Variants in ATG7 observed in about 807,000 individuals in gnomAD.
The protein encoded by ATG7 is ubiquitin-like modifier-activating enzyme ATG7.
ATG7 carries 70 observed loss-of-function variants against 82.4 expected under a neutral mutation model. The observed-to-expected ratio is 0.85, with a 90% CI of 0.70 to 1.04. ATG7 has a LOEUF of 1.04. Ranked by LOEUF, ATG7 falls within the 50% of genes least tolerant of loss-of-function variation. ATG7 has a pLI of 0.00. For missense variants in ATG7, 792 were observed against 864.3 expected, an observed-to-expected ratio of 0.92 and a Z score of 1.05; for synonymous variants, 287 against 313.0, an observed-to-expected ratio of 0.92 and a Z score of 0.88.
chr3:11,433,182 C>T (rs1053508288), intron 20 of ATG7, among the ~76,000 whole-genome samples: 25 of 150,152 alleles, frequency 1.7e-4, no homozygotes, highest in Admixed American at 8.8e-4. Context: ...ACTTATAATG[C>T]TGAGGCAGGA....
chr3:11,359,159 G>GAC (rs2076123919), intron 15 of ATG7, among the ~76,000 whole-genome samples: 1 of 152,124 alleles, frequency 6.6e-6, no homozygotes. Flanking sequence ...TCTATTGAGA[G>GAC]AGGAGAAAGA....
At position 11,360,644 on chromosome 3, in the gene ATG7, C is replaced by T. The variant is rs1166737038; in HGVS notation, c.1543C>T (p.Pro515Ser). 3 of 1,614,100 alleles carry T rather than the reference C, an allele frequency of 1.9e-6. No homozygotes were observed. In the South Asian group the frequency reaches 3.3e-5, roughly 18 times the overall value. The stretch of plus-strand genomic sequence containing the variant: ...TGTCATGAGACATGGTCTGAAGAAA[C>T]CAAAGCAGCAAGGAGCTGGGGACTT... ...FVVMRHGLKKPKQQGAGDLCP... is the reference protein window; with the variant it reads ...FVVMRHGLKKSKQQGAGDLCP... Residue 515 changes from proline to serine, a missense_variant, in exon 16 of 21, where the codon CCA becomes TCA. Coordinates refer to ENST00000693202, the MANE Select transcript of ATG7 (RefSeq NM_001349232.2).
intron 3 of ATG7, among the ~76,000 whole-genome samples, chr3:11,294,307 G>A (rs1302862870): frequency 1.3e-5 from 2 of 151,564 alleles, no homozygotes; most frequent in South Asian, 2.1e-4. Flanking sequence ...TGCAACCTCC[G>A]CCTCCCAGGT....
intron 20 of ATG7, among the ~76,000 whole-genome samples, chr3:11,475,846 A>G (rs989282280): frequency 3.0e-5 from 4 of 132,702 alleles, no homozygotes; most frequent in Non-Finnish European, 1.6e-5. Flanking sequence ...TGGTTCGTCT[A>G]TGTCCATCTC....
intron 19 of ATG7, among the ~76,000 whole-genome samples, chr3:11,383,091 C>A (rs1029616337): frequency 6.6e-6 from 1 of 152,182 alleles, no homozygotes; most frequent in African/African-American, 2.4e-5. Flanking sequence ...TTAATGTTTG[C>A]ACAATACTAT....
At chr3:11,476,548 A>C (rs2088251881) in intron 20 of ATG7, among the ~76,000 whole-genome samples, 1 of 152,136 alleles carries the variant, frequency 6.6e-6, no homozygotes, top group Non-Finnish European at 1.5e-5. Context: ...TGGCCTGAAA[A>C]GTGAGTACAA....
chr3:11,276,211 G>T (rs2594990), intron 1 of ATG7, among the ~76,000 whole-genome samples: 132,277 of 152,206 alleles, frequency 0.87, 57,760 homozygotes, highest in East Asian at 1. Flanking sequence ...TTAAGGCATC[G>T]CAGCTTCCTC....
At chr3:11,325,564 G>A (rs979463066) in intron 9 of ATG7, among the ~76,000 whole-genome samples, 9 of 152,026 alleles carry the variant, frequency 5.9e-5, no homozygotes, top group African/African-American at 2.2e-4. Flanking sequence ...CCAGCTACTC[G>A]GGAGGCTGAG....
At chr3:11,394,095 A>C (rs2079027723) in intron 19 of ATG7, among the ~76,000 whole-genome samples, 1 of 152,236 alleles carries the variant, frequency 6.6e-6, no homozygotes, top group Non-Finnish European at 1.5e-5. Context: ...AGGGTCATAG[A>C]ATGAGTAAAT....
intron 18 of ATG7, among the ~76,000 whole-genome samples, chr3:11,370,314 G>A (rs1360678147): frequency 6.6e-6 from 1 of 150,980 alleles, no homozygotes; most frequent in Non-Finnish European, 1.5e-5. Context: ...GTCCAGCTTA[G>A]TTTTTCTGCC....
intron 20 of ATG7, chr3:11,510,188 C>T (rs1334778593): frequency 6.6e-6 from 3 of 456,566 alleles, no homozygotes; most frequent in Non-Finnish European, 1.3e-5. Context: ...CTTTCAGGAT[C>T]ATCTTTCTTT....
chr3:11,298,903 G>A (rs1189037839), intron 4 of ATG7, 48 bp downstream of exon 4: 8 of 1,598,052 alleles, frequency 5.0e-6, no homozygotes, highest in East Asian at 2.2e-5. Context: ...TTATCCTCAC[G>A]GTCCTCCAGT....
At chr3:11,429,963 A>AG (rs1300342131) in intron 20 of ATG7, among the ~76,000 whole-genome samples, 4 of 151,594 alleles carry the variant, frequency 2.6e-5, no homozygotes, top group Non-Finnish European at 4.4e-5. Context: ...AAAAAAAAAA[A>AG]AAAAATTCTG....
intron 19 of ATG7, among the ~76,000 whole-genome samples, chr3:11,422,206 TCTC>T: frequency 6.6e-6 from 1 of 152,326 alleles, no homozygotes; most frequent in African/African-American, 2.4e-5. Context: ...GGCATTGACT[TCTC>T]CTCTGTAGCT....
chr3:11,573,284 A>G, the ATG7 span, among the ~76,000 whole-genome samples: 20 of 11,324 alleles, frequency 1.8e-3, 1 homozygote, highest in African/African-American at 8.1e-3. Context: ...AGAAAGAAAG[A>G]AAGAAAGAAA....
At chr3:11,339,561 C>A (rs928026294) in intron 11 of ATG7, among the ~76,000 whole-genome samples, 2 of 152,006 alleles carry the variant, frequency 1.3e-5, no homozygotes, top group African/African-American at 4.8e-5. Context: ...ATGTAGGGAG[C>A]GCAAGAGAGT....
intron 20 of ATG7, among the ~76,000 whole-genome samples, chr3:11,474,640 A>C (rs1037301227): frequency 3.3e-5 from 5 of 152,138 alleles, no homozygotes; most frequent in Non-Finnish European, 7.4e-5. Flanking sequence ...GAGTGTTTGG[A>C]TGAATTGGTG....
chr3:11,274,197 C>T (rs1941191764), intron 1 of ATG7, among the ~76,000 whole-genome samples: 1 of 152,164 alleles, frequency 6.6e-6, no homozygotes, highest in African/African-American at 2.4e-5. Context: ...GCCAGCATCT[C>T]ATTATAGAGA....
At chr3:11,315,689 C>G (rs1234060018) in intron 9 of ATG7, among the ~76,000 whole-genome samples, 196 bp downstream of exon 9, 3 of 152,176 alleles carry the variant, frequency 2.0e-5, no homozygotes. Flanking sequence ...TTTTCTAGCT[C>G]TACTACAGCT....
Sources: allele counts gnomAD v4.1 joint callset (sites outside exome capture counted in the v4.1 genomes callset), GRCh38; gene constraint gnomAD v4.1.1; transcripts MANE v1.5; gene names NCBI Gene and HGNC (gene_info 2026-07-23, HGNC 2026-07-21).